Variants in CDYL observed in about 807,000 individuals in gnomAD.
CDYL encodes chromodomain Y-like protein.
CDYL carries 8 observed loss-of-function variants against 47.3 expected under a neutral mutation model. The observed-to-expected ratio is 0.17, with a 90% confidence interval of 0.10 to 0.31. The LOEUF (loss-of-function observed/expected upper bound fraction) is 0.31, where lower values mean the gene tolerates loss of function less well. Ranked by LOEUF, CDYL falls within the 10% of genes least tolerant of loss-of-function variation. The pLI, the probability that CDYL is intolerant of heterozygous loss-of-function variation, is 1.00. For synonymous variants in CDYL, 266 were observed against 265.0 expected (o/e 1.00, Z -0.04); for missense variants, 471 against 701.4 (o/e 0.67, Z 3.71).
intron 1 of CDYL, among the ~76,000 whole-genome samples, chr6:4,799,079 GC>G (rs774558185): frequency 4.4e-4 from 67 of 152,254 alleles, no homozygotes; most frequent in Admixed American, 1.1e-3. Flanking sequence ...ACATTTACTT[GC>G]AGCTCTGCTT....
intron 2 of CDYL, among the ~76,000 whole-genome samples, chr6:4,718,804 C>G (rs77423747): frequency 6.6e-6 from 1 of 151,954 alleles, no homozygotes; most frequent in Admixed American, 6.6e-5. Flanking sequence ...GTATCATGGC[C>G]TTTTTTGACA....
intron 1 of CDYL, among the ~76,000 whole-genome samples, chr6:4,834,896 A>G (rs1373274732): frequency 1.3e-5 from 2 of 151,860 alleles, no homozygotes; most frequent in Non-Finnish European, 2.9e-5. Context: ...TTCTTCACGT[A>G]GTTCTCGAGC....
upstream of CDYL, among the ~76,000 whole-genome samples, chr6:4,774,015 T>A (rs777022207): frequency 1.5e-4 from 23 of 152,330 alleles, no homozygotes; most frequent in Non-Finnish European, 3.2e-4. Flanking sequence ...GTTCCTTTCT[T>A]TCCCTCTCCT....
At chr6:4,829,989 T>G (rs1190760352) in intron 1 of CDYL, among the ~76,000 whole-genome samples, 1 of 152,262 alleles carries the variant, frequency 6.6e-6, no homozygotes, top group Non-Finnish European at 1.5e-5. Flanking sequence ...AATCTTTGAC[T>G]TATTTCCAGA....
chr6:4,804,918 A>G (rs1030925243), intron 1 of CDYL, among the ~76,000 whole-genome samples: 15 of 152,332 alleles, frequency 9.8e-5, no homozygotes, highest in East Asian at 3.9e-4. Context: ...TCCCATTTCT[A>G]TACTTTTATC....
At chr6:4,754,251 T>C (rs892331133) in intron 3 of CDYL, among the ~76,000 whole-genome samples, 1 of 152,266 alleles carries the variant, frequency 6.6e-6, no homozygotes, top group East Asian at 1.9e-4. Flanking sequence ...TTTCATCAGC[T>C]GGACCTTGGA....
intron 1 of CDYL, among the ~76,000 whole-genome samples, chr6:4,845,342 G>T (rs933190452): frequency 6.6e-6 from 1 of 152,160 alleles, no homozygotes; most frequent in African/African-American, 2.4e-5. Context: ...TGCCTGGATT[G>T]GTTTTCAAAG....
intron 1 of CDYL, among the ~76,000 whole-genome samples, chr6:4,815,412 G>T (rs941037800): frequency 6.6e-6 from 1 of 152,076 alleles, no homozygotes; most frequent in Non-Finnish European, 1.5e-5. Flanking sequence ...TTATTCCTTA[G>T]TGTAGAATAC....
intron 1 of CDYL, among the ~76,000 whole-genome samples, chr6:4,791,168 A>G (rs1758906485): frequency 1.3e-5 from 2 of 152,360 alleles, no homozygotes; most frequent in South Asian, 4.1e-4. Context: ...CCTAAGAATC[A>G]AGAAAGCATC....
At chr6:4,783,565 C>T (rs1581164251) in intron 1 of CDYL, among the ~76,000 whole-genome samples, 2 of 152,092 alleles carry the variant, frequency 1.3e-5, no homozygotes, top group African/African-American at 2.4e-5. Context: ...TATGGGCATG[C>T]ACCACCATGC....
At chr6:4,803,294 C>T (rs1306309808) in intron 1 of CDYL, among the ~76,000 whole-genome samples, 1 of 152,224 alleles carries the variant, frequency 6.6e-6, no homozygotes, top group Non-Finnish European at 1.5e-5. Context: ...TCTGCTTCCT[C>T]TGCACAGATC....
At chr6:4,801,244 A>G (rs1265333) in intron 1 of CDYL, among the ~76,000 whole-genome samples, 34,139 of 152,068 alleles carry the variant, frequency 0.22, 5,676 homozygotes, top group African/African-American at 0.48. Context: ...TGAGATTGCC[A>G]TATCTGTTCA....
intron 1 of CDYL, among the ~76,000 whole-genome samples, chr6:4,875,544 A>G (rs1451005088): frequency 6.6e-6 from 1 of 152,172 alleles, no homozygotes. Context: ...TTTTTATTAT[A>G]TGGTAAATGG....
chr6:4,767,437 G>C (rs1288490013), intron 3 of CDYL, among the ~76,000 whole-genome samples: 1 of 152,126 alleles, frequency 6.6e-6, no homozygotes, highest in Non-Finnish European at 1.5e-5. Flanking sequence ...CCCAGGCGTG[G>C]TGGCGTGCGC....
chr6:4,912,823 T>C (rs1757451523), intron 2 of CDYL, among the ~76,000 whole-genome samples: 1 of 152,104 alleles, frequency 6.6e-6, no homozygotes, highest in Non-Finnish European at 1.5e-5. Flanking sequence ...CTCCCCCTCT[T>C]CTTATGAAGC....
intron 1 of CDYL, among the ~76,000 whole-genome samples, chr6:4,794,014 G>T (rs1415523274): frequency 6.6e-6 from 1 of 152,114 alleles, no homozygotes; most frequent in Non-Finnish European, 1.5e-5. Context: ...CGGCTGGGCA[G>T]CTGTGAACTA....
intron 2 of CDYL, among the ~76,000 whole-genome samples, chr6:4,716,465 C>T (rs1385119431): frequency 6.6e-6 from 1 of 152,048 alleles, no homozygotes; most frequent in East Asian, 1.9e-4. Context: ...TTTGTGTCTC[C>T]CATTGCTCTT....
intron 3 of CDYL, among the ~76,000 whole-genome samples, chr6:4,748,731 G>C (rs1039547789): frequency 6.6e-6 from 1 of 152,026 alleles, no homozygotes; most frequent in Non-Finnish European, 1.5e-5. Flanking sequence ...TTGGCAAACT[G>C]TAAAACTAAA....
intron 1 of CDYL, among the ~76,000 whole-genome samples, chr6:4,887,032 T>C: frequency 6.6e-6 from 1 of 152,232 alleles, no homozygotes; most frequent in East Asian, 1.9e-4. Context: ...TTTCAGAGCC[T>C]TCTATTCCAT....
Sources: gnomAD v4.1 joint callset for allele counts (sites outside exome capture counted in the v4.1 genomes callset) on GRCh38, gnomAD v4.1.1 for gene constraint, MANE v1.5 for transcripts, NCBI Gene and HGNC (gene_info 2026-07-23, HGNC 2026-07-21) for gene names.